STAG1: variants seen among roughly 807,000 people sequenced by gnomAD.
The protein encoded by STAG1 is cohesin subunit SA-1.
STAG1 carries 26 observed loss-of-function variants against 170.9 expected under a neutral mutation model. That is an observed-to-expected ratio of 0.15 (90% CI 0.11 to 0.21). The LOEUF is 0.21. Ranked by LOEUF, STAG1 falls within the 10% of genes least tolerant of loss-of-function variation. The pLI is 1.00. For missense variants in STAG1, 964 were observed against 1,509.5 expected, an observed-to-expected ratio of 0.64 and a Z score of 5.99; for synonymous variants, 514 against 497.7, an observed-to-expected ratio of 1.03 and a Z score of -0.44.
chr3:136,678,290 C>A (rs1942205836), intron 1 of STAG1, among the ~76,000 whole-genome samples: 2 of 150,476 alleles, frequency 1.3e-5, no homozygotes. Context: ...ATTAGACTGT[C>A]ACAGAAAATA....
At chr3:136,581,005 A>G (rs560129779) in intron 4 of STAG1, among the ~76,000 whole-genome samples, 1 of 152,182 alleles carries the variant, frequency 6.6e-6, no homozygotes, top group South Asian at 2.1e-4. Context: ...TATAAGAGAA[A>G]GAAAGTATCA....
At chr3:136,391,743 GGAA>G (rs1335662565) in intron 22 of STAG1, among the ~76,000 whole-genome samples, 1 of 152,174 alleles carries the variant, frequency 6.6e-6, no homozygotes, top group Non-Finnish European at 1.5e-5. Flanking sequence ...AGGAGCTGAA[GGAA>G]GAAGGATGTT....
rs1262261593 is a variant in STAG1 at position 136,336,843 on chromosome 3, T to TTTGA, written c.*1407_*1410dup. ...AGAATTTTAAAAAATGTTTTTCGTA[T>TTTGA]TTGATAAAAAGGGAAAGCCTCATGA... On this transcript the variant is annotated 3_prime_UTR_variant, in exon 34 of 34. Transcript: ENST00000383202. 1 of 152,242 alleles carries TTTGA rather than the reference T, an allele frequency of 6.6e-6. No homozygotes were observed. The highest frequency in any genetic ancestry group is 1.5e-5 in the Non-Finnish European group (1 of 68,046). 9.4% of individuals were successfully genotyped at this position (152,242 alleles called of 1,614,324 possible).
At chr3:136,473,891 A>G (rs940959744) in intron 10 of STAG1, among the ~76,000 whole-genome samples, 1 of 152,178 alleles carries the variant, frequency 6.6e-6, no homozygotes, top group Non-Finnish European at 1.5e-5. Flanking sequence ...CTGACTCAAC[A>G]TGTGGTATAA....
At chr3:136,476,847 G>T (rs572017532) in intron 10 of STAG1, among the ~76,000 whole-genome samples, 38 of 152,028 alleles carry the variant, frequency 2.5e-4, no homozygotes, top group African/African-American at 9.2e-4. Flanking sequence ...AAGTCAGAAG[G>T]CAGAATTAGA....
At chr3:136,340,269 C>T (rs878983863) in intron 32 of STAG1, among the ~76,000 whole-genome samples, 3 of 152,152 alleles carry the variant, frequency 2.0e-5, no homozygotes, top group African/African-American at 4.8e-5. Flanking sequence ...ATTACGGGCA[C>T]GTGCCACCAC....
chr3:136,636,261 G>GA (rs1940553924), intron 1 of STAG1, among the ~76,000 whole-genome samples: 1 of 150,796 alleles, frequency 6.6e-6, no homozygotes, highest in Non-Finnish European at 1.5e-5. Context: ...AAAAAAAAAA[G>GA]AAAGAAAAGA....
chr3:136,441,636 G>C (rs1185506280), intron 15 of STAG1, among the ~76,000 whole-genome samples: 1 of 152,142 alleles, frequency 6.6e-6, no homozygotes, highest in African/African-American at 2.4e-5. Flanking sequence ...AGGAACACTG[G>C]GGGATGCTCA....
intron 4 of STAG1, among the ~76,000 whole-genome samples, chr3:136,598,653 C>T (rs1429933527): frequency 2.0e-5 from 3 of 152,100 alleles, no homozygotes; most frequent in Non-Finnish European, 4.4e-5. Context: ...GTTTCGATCT[C>T]CTGACCTTGT....
chr3:136,549,649 ACTT>A (rs1391239340), intron 5 of STAG1, among the ~76,000 whole-genome samples: 1 of 111,972 alleles, frequency 8.9e-6, no homozygotes, highest in Admixed American at 1.1e-4. Context: ...AAACAATTTC[ACTT>A]CTTCCGTTTT....
At chr3:136,449,573 G>A (rs1204661346) in intron 14 of STAG1, among the ~76,000 whole-genome samples, 6 of 149,822 alleles carry the variant, frequency 4.0e-5, no homozygotes, top group Non-Finnish European at 7.4e-5. Context: ...AAAAAAAAAA[G>A]AAGGAAAAAA....
chr3:136,526,885 G>A (rs1424692953), intron 6 of STAG1, among the ~76,000 whole-genome samples: 2 of 152,186 alleles, frequency 1.3e-5, no homozygotes, highest in Non-Finnish European at 2.9e-5. Flanking sequence ...ATTCTGGGTT[G>A]AAAATTCTTT....
chr3:136,611,248 C>T (rs376002603), intron 3 of STAG1, among the ~76,000 whole-genome samples: 1 of 151,838 alleles, frequency 6.6e-6, no homozygotes, highest in Non-Finnish European at 1.5e-5. Flanking sequence ...CTCCTGGGTT[C>T]GAGCGATTCT....
chr3:136,377,386 C>CAAA (rs57934830), intron 23 of STAG1, among the ~76,000 whole-genome samples: 7 of 42,572 alleles, frequency 1.6e-4, no homozygotes, highest in African/African-American at 2.5e-4. Context: ...GACTCTGTCT[C>CAAA]AAAAAAAAAA....
intron 1 of STAG1, among the ~76,000 whole-genome samples, chr3:136,677,936 T>C (rs1206727300): frequency 2.0e-5 from 3 of 147,384 alleles, no homozygotes. Flanking sequence ...TGATATATAT[T>C]ATATATTATA....
rs759728306 is a variant in STAG1 at position 136,422,792 on chromosome 3, G to C, written c.1809C>G (p.Ile603Met). 4 of 1,607,916 alleles carry C rather than the reference G, an allele frequency of 2.5e-6. No individual in the cohort carries two copies. The South Asian group carries it at 3.4e-5, about 13-fold the overall frequency. The change falls in exon 18 of 34, where the codon ATC becomes ATG. Residue 603 changes from isoleucine to methionine, a missense_variant. Physicochemically the swap from Ile to Met is conservative, Grantham distance 10. Coordinates refer to ENST00000383202, the MANE Select transcript of STAG1 (RefSeq NM_005862.3). ...CCTTTTCCATTCTACCTGTGCTGTA[G>C]ATTTCTAAATCAAAATACTGTGGGA... Reference protein sequence around the residue: ...LQIPQYFDLEIYSTGRMEKHL... With the variant: ...LQIPQYFDLEMYSTGRMEKHL...
chr3:136,519,713 C>T (rs934985964), intron 7 of STAG1, among the ~76,000 whole-genome samples: 13 of 151,942 alleles, frequency 8.6e-5, no homozygotes, highest in African/African-American at 2.7e-4. Flanking sequence ...AAAAGTCTAA[C>T]ATTATATAAC....
At chr3:136,516,091 A>G (rs541237336) in intron 7 of STAG1, among the ~76,000 whole-genome samples, 8 of 152,224 alleles carry the variant, frequency 5.3e-5, no homozygotes, top group Non-Finnish European at 1.2e-4. Context: ...CTATTCTTTG[A>G]TAATACCAGA....
intron 15 of STAG1, among the ~76,000 whole-genome samples, chr3:136,434,846 C>T (rs150232592): frequency 6.6e-6 from 1 of 152,216 alleles, no homozygotes; most frequent in East Asian, 1.9e-4. Context: ...TTCTGTCTCT[C>T]TTGCTTGCTC....
Sources: allele counts gnomAD v4.1 joint callset (sites outside exome capture counted in the v4.1 genomes callset), GRCh38; gene constraint gnomAD v4.1.1; transcripts MANE v1.5; gene names NCBI Gene and HGNC (gene_info 2026-07-23, HGNC 2026-07-21).